Variants in DOCK4 observed in about 807,000 individuals in gnomAD.
DOCK4 encodes the protein dedicator of cytokinesis protein 4.
Under a neutral mutation model 268.1 loss-of-function variants are expected in DOCK4, and 97 were observed. The observed-to-expected ratio is 0.36, with a 90% CI of 0.31 to 0.43. DOCK4 has a LOEUF of 0.43. Among genes scored for constraint, DOCK4 ranks in the 20% least tolerant of loss-of-function variants. The pLI is 1.00. For synonymous variants in DOCK4, 954 were observed against 887.2 expected, an observed-to-expected ratio of 1.08 and a Z score of -1.34; for missense variants, 2,145 against 2,455.7, an observed-to-expected ratio of 0.87 and a Z score of 2.67.
intron 10 of DOCK4, among the ~76,000 whole-genome samples, chr7:111,943,267 G>A (rs1017756379): frequency 6.6e-6 from 1 of 152,118 alleles, no homozygotes; most frequent in Non-Finnish European, 1.5e-5. Flanking sequence ...CAAACACCAA[G>A]CATTTGAAAG....
At chr7:111,732,185 C>T (rs184624180) in intron 52 of DOCK4, 41 bp downstream of exon 52, 2 of 1,601,442 alleles carry the variant, frequency 1.2e-6, no homozygotes, top group African/African-American at 2.7e-5. Context: ...AAAAAGAAAA[C>T]TGGGCCAGTC....
intron 1 of DOCK4, among the ~76,000 whole-genome samples, chr7:112,096,437 C>T (rs1239112690): frequency 6.6e-6 from 1 of 152,178 alleles, no homozygotes; most frequent in Non-Finnish European, 1.5e-5. Context: ...CCCACCTTAG[C>T]CTCCCAAAGT....
rs73436644 is a variant in DOCK4, at chr7:112,126,107, A to G, written c.37+79995T>C. On this transcript the variant is annotated intron_variant, in intron 1 of 52. Coordinates refer to ENST00000428084, the MANE Select transcript of DOCK4 (RefSeq NM_001363540.2). ...TGAGCCACCATGCCTGGCCTACACT[A>G]TTCTTATTATTGAAGAATCATCAAT... Among the ~76,000 whole-genome samples the G allele has an allele frequency of 1.8e-3, 277 of 152,298 alleles. 1 individual carries two copies. The highest frequency in any genetic ancestry group is 6.4e-3 in the African/African-American group (264 of 41,560).
chr7:111,806,116 A>T (rs1011440182), intron 30 of DOCK4, among the ~76,000 whole-genome samples: 1 of 152,206 alleles, frequency 6.6e-6, no homozygotes. Flanking sequence ...AAACTTAGTC[A>T]AATTGAATTT....
intron 1 of DOCK4, among the ~76,000 whole-genome samples, chr7:112,025,920 C>G (rs1802746819): frequency 6.6e-6 from 1 of 152,196 alleles, no homozygotes; most frequent in Non-Finnish European, 1.5e-5. Context: ...CACAAGCATA[C>G]AGCCAACTCC....
intron 1 of DOCK4, among the ~76,000 whole-genome samples, chr7:112,018,570 T>C (rs1442466574): frequency 6.6e-6 from 1 of 152,210 alleles, no homozygotes; most frequent in Non-Finnish European, 1.5e-5. Flanking sequence ...CTTCTCACTG[T>C]AAATTTCAGA....
rs1163984532 is a variant in DOCK4 at position 111,977,184 on chromosome 7, C to G, written c.649G>C (p.Glu217Gln). 5.6e-6 allele frequency: 9 copies of G among 1,612,718 alleles called. No individual in the cohort carries two copies. The highest frequency in any genetic ancestry group is 7.6e-6 in the Non-Finnish European group (9 of 1,179,508). ...KSLMCSNLGE[E>Q]LEVIFSLFDS... ...AAGAGTGAGAAGATGACCTCCAGCT[C>G]CTCTCCCAGGTTGGAACACATGAGG... The change falls in exon 8 of 53, where the codon GAG becomes CAG. Residue 217 changes from glutamate (E) to glutamine (Q), a missense_variant. By Grantham distance (29) the Glu-to-Gln change is conservative. This residue lies in a region of DOCK4 where 1,598 missense variants were observed against 1,986.7 expected (regional missense o/e 0.80). Transcript: ENST00000428084.
intron 1 of DOCK4, among the ~76,000 whole-genome samples, chr7:112,107,767 C>A (rs886571177): frequency 2.6e-5 from 4 of 152,196 alleles, no homozygotes; most frequent in African/African-American, 9.6e-5. Context: ...AAAAGTTACT[C>A]TAGGCATGAC....
intron 8 of DOCK4, among the ~76,000 whole-genome samples, chr7:111,953,993 A>C (rs976914305): frequency 2.0e-5 from 3 of 152,210 alleles, no homozygotes; most frequent in Non-Finnish European, 4.4e-5. Context: ...ACACTATATA[A>C]GCTGGAATTC....
chr7:111,791,138 A>AT (rs1381841625), intron 30 of DOCK4, among the ~76,000 whole-genome samples: 1 of 145,806 alleles, frequency 6.9e-6, no homozygotes, highest in Admixed American at 6.8e-5. Context: ...ACATTATTGT[A>AT]TATGCACACA....
intron 1 of DOCK4, among the ~76,000 whole-genome samples, chr7:112,064,495 A>G (rs1250241674): frequency 6.6e-6 from 1 of 152,194 alleles, no homozygotes; most frequent in Admixed American, 6.5e-5. Flanking sequence ...TCTGTATTAG[A>G]GTTTGCAGGG....
intron 11 of DOCK4, among the ~76,000 whole-genome samples, chr7:111,938,184 T>A (rs180766376): frequency 2.6e-5 from 4 of 152,314 alleles, no homozygotes; most frequent in Admixed American, 2.0e-4. Flanking sequence ...TTTTCCTTTT[T>A]AAGAGGGATG....
intron 1 of DOCK4, among the ~76,000 whole-genome samples, chr7:112,198,782 G>A (rs1820678633): frequency 6.6e-6 from 1 of 152,030 alleles, no homozygotes; most frequent in Admixed American, 6.5e-5. Flanking sequence ...ATTTTATGTA[G>A]CTCTAATCAT....
chr7:112,024,749 T>C (rs254868), intron 1 of DOCK4, among the ~76,000 whole-genome samples: 2 of 152,032 alleles, frequency 1.3e-5, no homozygotes, highest in African/African-American at 4.8e-5. Context: ...GTCATACCTC[T>C]GCTCAAAATA....
intron 12 of DOCK4, among the ~76,000 whole-genome samples, chr7:111,919,658 C>T (rs1792938973): frequency 6.6e-6 from 1 of 152,084 alleles, no homozygotes; most frequent in Admixed American, 6.5e-5. Flanking sequence ...TTGGAGGTTC[C>T]CTAATTTCTC....
At chr7:112,151,201 G>A (rs140664364) in intron 1 of DOCK4, among the ~76,000 whole-genome samples, 4 of 152,176 alleles carry the variant, frequency 2.6e-5, no homozygotes, top group Non-Finnish European at 4.4e-5. Flanking sequence ...AGTGGTTAAC[G>A]CCTGGGGCTT....
chr7:111,914,148 C>T (rs968249003), intron 13 of DOCK4, among the ~76,000 whole-genome samples: 18 of 152,080 alleles, frequency 1.2e-4, no homozygotes, highest in Admixed American at 9.2e-4. Context: ...CAACTCCTTT[C>T]GGGTTACAGC....
intron 1 of DOCK4, among the ~76,000 whole-genome samples, chr7:112,119,424 T>G (rs752258785): frequency 6.6e-6 from 1 of 152,098 alleles, no homozygotes; most frequent in Non-Finnish European, 1.5e-5. Context: ...CCCGCCAAAG[T>G]TAAAAGCCCA....
chr7:112,072,316 A>C (rs1250457973), intron 1 of DOCK4, among the ~76,000 whole-genome samples: 1 of 152,200 alleles, frequency 6.6e-6, no homozygotes, highest in Non-Finnish European at 1.5e-5. Context: ...TTATCAATTC[A>C]TGGAATCTTT....
Sources: gnomAD v4.1 joint callset for allele counts (sites outside exome capture counted in the v4.1 genomes callset) on GRCh38, gnomAD v4.1.1 for gene constraint, gnomAD v4.1.1 regional missense constraint, MANE v1.5 for transcripts, NCBI Gene and HGNC (gene_info 2026-07-23, HGNC 2026-07-21) for gene names.